The following SMG7 variants were observed in gnomAD, a reference collection of about 807,000 sequenced individuals.
SMG7 encodes SMG7 nonsense mediated mRNA decay factor.
Under a neutral mutation model 148.2 loss-of-function variants are expected in SMG7, and 34 were observed. That is an observed-to-expected ratio of 0.23 (90% confidence interval 0.17 to 0.31). The LOEUF (loss-of-function observed/expected upper bound fraction) is 0.31, where lower values mean the gene tolerates loss of function less well. Among genes scored for constraint, SMG7 ranks in the 10% least tolerant of loss-of-function variants. The pLI is 1.00. For missense variants in SMG7, 1,114 were observed against 1,408.4 expected (o/e 0.79, Z 3.35); for synonymous variants, 492 against 515.1 (o/e 0.96, Z 0.61).
At chr1:183,543,823 A>G (rs1178603518) in intron 14 of SMG7, among the ~76,000 whole-genome samples, 1 of 152,152 alleles carries the variant, frequency 6.6e-6, no homozygotes, top group Admixed American at 6.6e-5. Flanking sequence ...TACTGCTGAA[A>G]GTATCCTTAT....
intron 1 of SMG7, among the ~76,000 whole-genome samples, chr1:183,511,771 C>T (rs1662209842): frequency 6.6e-6 from 1 of 151,988 alleles, no homozygotes; most frequent in Admixed American, 6.6e-5. Flanking sequence ...GGAAACAAAG[C>T]CAAGGGATGG....
chr1:183,533,333 A>G lies in SMG7; in HGVS notation c.1006+7A>G. On this transcript the variant is annotated splice_region_variant and intron_variant, in intron 9 of 22. Coordinates refer to ENST00000688051, the MANE Select transcript of SMG7 (RefSeq NM_001375584.1). Reference sequence around the variant, plus strand: ...CAGTTGCTGGCCCTCTTTAGTGAGTATTGAATTACTTAACATGTGCCATCT... The same window carrying G: ...CAGTTGCTGGCCCTCTTTAGTGAGTGTTGAATTACTTAACATGTGCCATCT... 1 of 1,610,084 alleles carries G rather than the reference A, an allele frequency of 6.2e-7. No homozygotes were observed. The highest frequency in any genetic ancestry group is 8.5e-7 in the Non-Finnish European group (1 of 1,178,092).
intron 1 of SMG7, among the ~76,000 whole-genome samples, chr1:183,496,944 T>C (rs1190750000): frequency 6.6e-6 from 1 of 152,192 alleles, no homozygotes; most frequent in Non-Finnish European, 1.5e-5. Context: ...TTGGACAGGC[T>C]TAGTCTAGCC....
chr1:183,500,711 A>G (rs1409821007), intron 1 of SMG7, among the ~76,000 whole-genome samples: 1 of 152,172 alleles, frequency 6.6e-6, no homozygotes, highest in East Asian at 1.9e-4. Context: ...TTAAAATACA[A>G]GAATGGGTTA....
chr1:183,533,172 A>G lies in SMG7; in HGVS notation c.852A>G (p.Leu284=), dbSNP rs747110015. Residue 284 remains leucine (L), a synonymous_variant, in exon 9 of 23, where the codon CTA becomes CTG. Transcript: ENST00000688051. ...EKLEEQFKRL[L]FQKAFNSQQL... Reference sequence around the variant, plus strand: ...TCTGTCTTCTTTTACAGAGGCTGCTATTCCAAAAAGCTTTCAACTCTCAGC... The same window carrying G: ...TCTGTCTTCTTTTACAGAGGCTGCTGTTCCAAAAAGCTTTCAACTCTCAGC... 3 of 1,613,310 alleles carry G rather than the reference A, an allele frequency of 1.9e-6. No individual in the cohort carries two copies. Among genetic ancestry groups the G allele is most frequent in the Non-Finnish European group, 2.5e-6 (3 of 1,179,566 alleles).
intron 12 of SMG7, 64 bp downstream of exon 12, chr1:183,538,504 T>C (rs1034956289): frequency 4.3e-6 from 5 of 1,150,430 alleles, no homozygotes; most frequent in African/African-American, 3.0e-5. Flanking sequence ...TAGCAGAGAA[T>C]TGGGCTTGGA....
chr1:183,537,272 T>G, intron 11 of SMG7, 57 bp downstream of exon 11: 2 of 1,258,100 alleles, frequency 1.6e-6, no homozygotes, highest in South Asian at 2.5e-5. Context: ...TAATGGTGGC[T>G]TAATGCCAGA....
At chr1:183,526,902 A>G in intron 5 of SMG7, 135 bp downstream of exon 5, 1 of 663,430 alleles carries the variant, frequency 1.5e-6, no homozygotes, top group Non-Finnish European at 2.3e-6. Flanking sequence ...TATAAAATGT[A>G]TTCTAAGGAA....
chr1:183,484,537 A>G (rs1654960675), intron 1 of SMG7, among the ~76,000 whole-genome samples: 2 of 152,052 alleles, frequency 1.3e-5, no homozygotes, highest in South Asian at 4.1e-4. Context: ...GCTGATTTGA[A>G]GCTACAAGTG....
chr1:183,552,229 A>G lies in SMG7; in HGVS notation c.*298A>G. 2 of 1,055,144 alleles carry G rather than the reference A, an allele frequency of 1.9e-6. No individual in the cohort carries two copies. Among genetic ancestry groups the G allele is most frequent in the Non-Finnish European group, 2.3e-6 (2 of 874,632 alleles). 65.4% of individuals were successfully genotyped at this position (1,055,144 alleles called of 1,614,324 possible). On this transcript the variant is annotated 3_prime_UTR_variant, in exon 23 of 23. Coordinates refer to ENST00000688051, the MANE Select transcript of SMG7 (RefSeq NM_001375584.1). The stretch of plus-strand genomic sequence containing the variant: ...CCGCCTCTCACCTTCTCCATCGTGC[A>G]TGTCCCCAGCCACATGGGAAGTGAA...
At chr1:183,526,540 C>A in intron 4 of SMG7, 56 bp from the exon 5 acceptor site, 1 of 1,209,964 alleles carries the variant, frequency 8.3e-7, no homozygotes, top group South Asian at 1.4e-5. Context: ...AGTTTATAAA[C>A]TTTACTTTTA....
chr1:183,542,215 G>T lies in SMG7; in HGVS notation c.1555G>T (p.Gly519Trp). The T allele has an allele frequency of 6.2e-7, 1 of 1,614,108 alleles. No individual in the cohort carries two copies. The highest frequency in any genetic ancestry group is 8.5e-7 in the Non-Finnish European group (1 of 1,179,984). ...TSVIESLAADGSPGLKSVLST... is the reference protein window; with the variant it reads ...TSVIESLAADWSPGLKSVLST... ...TGTGATAGAGTCGCTGGCTGCAGATGGGAGCCCAGGGCTAAAATCAGTGCT... is the reference window on the plus strand; with the variant it reads ...TGTGATAGAGTCGCTGGCTGCAGATTGGAGCCCAGGGCTAAAATCAGTGCT... The change falls in exon 14 of 23, where the codon GGG (glycine) becomes TGG (tryptophan). Residue 519 changes from glycine (G) to tryptophan (W), a missense_variant. Gly to Trp is a radical substitution (Grantham distance 184, BLOSUM62 -2). Transcript: ENST00000688051.
intron 2 of SMG7, among the ~76,000 whole-genome samples, chr1:183,515,420 C>T (rs534175859): frequency 2.4e-4 from 37 of 152,224 alleles, no homozygotes; most frequent in Middle Eastern, 6.8e-3. Context: ...GGAGTCCTTA[C>T]AGAGACTCCC....
chr1:183,473,991 A>G, intron 1 of SMG7: 1 of 469,816 alleles, frequency 2.1e-6, no homozygotes, highest in Non-Finnish European at 2.8e-6. Context: ...GAATGATGAG[A>G]TATTTGAACA....
intron 12 of SMG7, among the ~76,000 whole-genome samples, chr1:183,540,076 A>G (rs962204998): frequency 6.6e-6 from 1 of 152,122 alleles, no homozygotes; most frequent in African/African-American, 2.4e-5. Flanking sequence ...TAAACTCTAT[A>G]CACTATGTGC....
chr1:183,507,630 C>T (rs575087039), intron 1 of SMG7, among the ~76,000 whole-genome samples: 22 of 152,264 alleles, frequency 1.4e-4, no homozygotes, highest in African/African-American at 4.8e-4. Flanking sequence ...CAATAGTAAA[C>T]GCTACATATA....
chr1:183,552,032 C>T lies in SMG7; in HGVS notation c.*101C>T. ...CCCCTGCAGGTGGCAGCCCTCTTTT[C>T]TGTTTCTCGCTGTCAAGAGGGTGTA... On this transcript the variant is annotated 3_prime_UTR_variant, in exon 23 of 23. Coordinates refer to ENST00000688051, the MANE Select transcript of SMG7 (RefSeq NM_001375584.1). 5 of 1,402,998 alleles carry T rather than the reference C, an allele frequency of 3.6e-6. No individual in the cohort carries two copies. Among genetic ancestry groups the T allele is most frequent in the Non-Finnish European group, 4.7e-6 (5 of 1,064,338 alleles). 86.9% of individuals were successfully genotyped at this position (1,402,998 alleles called of 1,614,324 possible). A position where few individuals can be genotyped will look rare whatever the true frequency, so the allele number is the denominator to read the frequency against.
At chr1:183,480,827 T>C (rs557384272) in intron 1 of SMG7, among the ~76,000 whole-genome samples, 1 of 152,314 alleles carries the variant, frequency 6.6e-6, no homozygotes, top group South Asian at 2.1e-4. Context: ...CATTTCTTCC[T>C]GCAAGCATCA....
At chr1:183,540,747 T>C (rs1204542735) in intron 12 of SMG7, among the ~76,000 whole-genome samples, 1 of 152,216 alleles carries the variant, frequency 6.6e-6, no homozygotes, top group East Asian at 1.9e-4. Flanking sequence ...GAAAGTGAAA[T>C]GTGAGTAAAA....
Sources: gnomAD v4.1 joint callset for allele counts (sites outside exome capture counted in the v4.1 genomes callset) on GRCh38, gnomAD v4.1.1 for gene constraint, MANE v1.5 for transcripts, NCBI Gene and HGNC (gene_info 2026-07-23, HGNC 2026-07-21) for gene names.